The following STK32A variants were observed in gnomAD, a reference collection of about 807,000 sequenced individuals.
The protein encoded by STK32A is serine/threonine-protein kinase 32A.
Under a neutral mutation model 53.2 loss-of-function variants are expected in STK32A, and 41 were observed. That is an observed-to-expected ratio of 0.77 (90% confidence interval 0.60 to 1.00). STK32A has a LOEUF of 1.00. Among genes scored for constraint, STK32A ranks in the 50% least tolerant of loss-of-function variants. The pLI is 0.00. For missense variants in STK32A, 458 were observed against 485.8 expected (o/e 0.94, Z 0.54); for synonymous variants, 166 against 162.8 (o/e 1.02, Z -0.15).
chr5:147,290,932 T>C (rs1752571423), intron 4 of STK32A, among the ~76,000 whole-genome samples: 2 of 152,150 alleles, frequency 1.3e-5, no homozygotes, highest in Admixed American at 1.3e-4. Flanking sequence ...CCTAAGTTAT[T>C]TACCAAAAAT....
intron 2 of STK32A, among the ~76,000 whole-genome samples, chr5:147,250,545 G>T (rs1354150886): frequency 6.6e-6 from 1 of 152,180 alleles, no homozygotes; most frequent in Non-Finnish European, 1.5e-5. Context: ...AAAAATCTAT[G>T]GGAGTAGGCA....
At chr5:147,397,733 G>A in the STK32A span, 10 of 1,614,028 alleles carry the variant, frequency 6.2e-6, no homozygotes, top group Non-Finnish European at 8.5e-6. Flanking sequence ...GAAGCGGCCA[G>A]CCCCCTGGGT....
chr5:147,324,019 T>A lies in STK32A; in HGVS notation c.382T>A (p.Cys128Ser). ...GGAAGAAACAGTGAAGCTCTTCATC[T>A]GTGAGCTGGTCATGGCCCTGGACTA... ...FKEETVKLFI[C>S]ELVMALDYLQ... Residue 128 changes from cysteine to serine, a missense_variant, in exon 5 of 13, where the codon TGT becomes AGT. By Grantham distance (112) the Cys-to-Ser change is moderately radical (BLOSUM62 -1). Coordinates refer to ENST00000397936, the MANE Select transcript of STK32A (RefSeq NM_001112724.2). The A allele has an allele frequency of 6.2e-7, 1 of 1,611,082 alleles. No homozygotes were observed. The highest frequency in any genetic ancestry group is 8.5e-7 in the Non-Finnish European group (1 of 1,178,712).
intron 8 of STK32A, among the ~76,000 whole-genome samples, chr5:147,365,302 A>C (rs1165225390): frequency 6.6e-6 from 1 of 152,178 alleles, no homozygotes; most frequent in Non-Finnish European, 1.5e-5. Flanking sequence ...TGCAGGGTCC[A>C]TTTTACACCC....
intron 4 of STK32A, among the ~76,000 whole-genome samples, chr5:147,308,030 A>G (rs1402998398): frequency 6.6e-6 from 1 of 152,074 alleles, no homozygotes; most frequent in Non-Finnish European, 1.5e-5. Context: ...TAGCTTTTCA[A>G]TTTGTATTTT....
At chr5:147,355,050 A>G (rs1223287002) in intron 7 of STK32A, among the ~76,000 whole-genome samples, 1 of 152,190 alleles carries the variant, frequency 6.6e-6, no homozygotes, top group East Asian at 1.9e-4. Flanking sequence ...CACCCATTTT[A>G]TAGTGCTTTC....
At chr5:147,265,575 G>C (rs1414271806) in intron 2 of STK32A, among the ~76,000 whole-genome samples, 1 of 152,118 alleles carries the variant, frequency 6.6e-6, no homozygotes, top group Non-Finnish European at 1.5e-5. Flanking sequence ...GTTTTGTTTT[G>C]TCAGACTGCT....
At chr5:147,367,920 A>G (rs1673609740) in intron 8 of STK32A, among the ~76,000 whole-genome samples, 1 of 152,236 alleles carries the variant, frequency 6.6e-6, no homozygotes, top group African/African-American at 2.4e-5. Context: ...AAAGGAAGTA[A>G]CATTTAATTA....
At chr5:147,288,746 C>T (rs1367237181) in intron 4 of STK32A, among the ~76,000 whole-genome samples, 5 of 152,118 alleles carry the variant, frequency 3.3e-5, no homozygotes, top group Non-Finnish European at 7.4e-5. Flanking sequence ...CCCCATGATC[C>T]AATCACCTCC....
chr5:147,372,785 T>C (rs1209719797), intron 9 of STK32A, among the ~76,000 whole-genome samples: 1 of 152,188 alleles, frequency 6.6e-6, no homozygotes, highest in African/African-American at 2.4e-5. Flanking sequence ...TTTGTCACCA[T>C]AGGTTTTCTA....
At position 147,289,534 on chromosome 5, in the gene STK32A, G is replaced by T. The variant is rs538993692; in HGVS notation, c.260+10136G>T. Among the ~76,000 whole-genome samples the T allele has an allele frequency of 4.0e-5, 6 of 151,258 alleles. No individual in the cohort carries two copies. In the South Asian group the frequency reaches 1.0e-3, roughly 26 times the overall value. On this transcript the variant is annotated intron_variant, in intron 4 of 12. Coordinates refer to ENST00000397936, the MANE Select transcript of STK32A (RefSeq NM_001112724.2). ...TTAAGATTAAAAAGTTTGTGTGTGT[G>T]AATAGGTATAAATGTATACATACAT...
At chr5:147,395,818 G>A in the STK32A span, 29 of 1,384,482 alleles carry the variant, frequency 2.1e-5, no homozygotes, top group Admixed American at 9.0e-5. Context: ...GTGTGTGGTG[G>A]GAGCTAGGAA....
At chr5:147,297,342 A>G (rs1029097493) in intron 4 of STK32A, among the ~76,000 whole-genome samples, 2 of 152,162 alleles carry the variant, frequency 1.3e-5, no homozygotes, top group East Asian at 3.9e-4. Context: ...CTGTCTCTGG[A>G]AGGGAAAAGA....
At chr5:147,317,480 A>C (rs1754063242) in intron 4 of STK32A, among the ~76,000 whole-genome samples, 1 of 151,684 alleles carries the variant, frequency 6.6e-6, no homozygotes, top group Non-Finnish European at 1.5e-5. Context: ...GGTGCGCGCC[A>C]CCATGCCCAG....
intron 5 of STK32A, among the ~76,000 whole-genome samples, chr5:147,335,778 AGTGTGTGTGTGTAT>A (rs888883215): frequency 6.6e-6 from 1 of 151,912 alleles, no homozygotes; most frequent in African/African-American, 2.4e-5. Context: ...CACAAAATAC[AGTGTGTGTGTGTAT>A]GTGTGTGTGT....
intron 7 of STK32A, among the ~76,000 whole-genome samples, chr5:147,357,909 A>G (rs1428136102): frequency 1.3e-5 from 2 of 152,098 alleles, no homozygotes; most frequent in Non-Finnish European, 2.9e-5. Flanking sequence ...GCTAATATCT[A>G]TATTCTGTAG....
chr5:147,310,261 T>C (rs1197866078), intron 4 of STK32A, among the ~76,000 whole-genome samples: 2 of 152,138 alleles, frequency 1.3e-5, no homozygotes, highest in Non-Finnish European at 2.9e-5. Context: ...AAAGGAACAT[T>C]GGGTGCATTA....
chr5:147,260,032 TTCTC>T (rs200558482), intron 2 of STK32A, among the ~76,000 whole-genome samples: 2 of 137,250 alleles, frequency 1.5e-5, no homozygotes, highest in Admixed American at 7.2e-5. Flanking sequence ...TCCTCTCTCT[TTCTC>T]TCTCCTGTCT....
chr5:147,316,782 G>T (rs971558737), intron 4 of STK32A, among the ~76,000 whole-genome samples: 1 of 145,174 alleles, frequency 6.9e-6, no homozygotes, highest in South Asian at 2.2e-4. Context: ...CTGAGCCCAG[G>T]AGTTCAAGGC....
Sources: gnomAD v4.1 joint callset for allele counts (sites outside exome capture counted in the v4.1 genomes callset) on GRCh38, gnomAD v4.1.1 for gene constraint, MANE v1.5 for transcripts, NCBI Gene and HGNC (gene_info 2026-07-23, HGNC 2026-07-21) for gene names.